GLB1: variants seen among roughly 807,000 people sequenced by gnomAD.
The protein encoded by GLB1 is beta-galactosidase.
A neutral mutation model predicts 74.0 loss-of-function variants in GLB1; 56 were observed. That is an observed-to-expected ratio of 0.76 (90% CI 0.61 to 0.94). The LOEUF is 0.94. Among genes scored for constraint, GLB1 ranks in the 40% least tolerant of loss-of-function variants. GLB1 has a pLI of 0.00. For missense variants in GLB1, 787 were observed against 845.5 expected (o/e 0.93, Z 0.86); for synonymous variants, 323 against 323.6 (o/e 1.00, Z 0.02).
Position 33,093,474 on chromosome 3 carries a change from G to A in GLB1, c.75+3537C>T, listed in dbSNP as rs139910662. The A allele has an allele frequency of 1.2e-5, 20 of 1,613,980 alleles. No homozygotes were observed. Among genetic ancestry groups the A allele is most frequent in the South Asian group, 4.4e-5 (4 of 91,076 alleles). On this transcript the variant is annotated intron_variant, in intron 1 of 15. Transcript: ENST00000307363. The surrounding 1 kb of genome is among the most constrained non-coding windows in gnomAD (Gnocchi z 6.0). ...GTCGGAGAGGTCACCCACAATCACC[G>A]TGATGTCTGGTTCCAGCACATTCAC...
At chr3:33,041,630 C>G (rs941227613) in intron 10 of GLB1, among the ~76,000 whole-genome samples, 1 of 139,314 alleles carries the variant, frequency 7.2e-6, no homozygotes, top group Non-Finnish European at 1.5e-5. Context: ...CCACTGCACT[C>G]ATTCTGGACA....
chr3:33,088,779 A>G (rs1370391042), intron 1 of GLB1, among the ~76,000 whole-genome samples: 2 of 152,220 alleles, frequency 1.3e-5, no homozygotes, highest in Admixed American at 1.3e-4. Context: ...AGAAATAGAA[A>G]AATTTATCCT....
intron 10 of GLB1, among the ~76,000 whole-genome samples, chr3:33,035,636 G>T (rs778668520): frequency 1.3e-5 from 2 of 152,094 alleles, no homozygotes; most frequent in Non-Finnish European, 2.9e-5. Flanking sequence ...GATACAATTA[G>T]AAGTCAGTGC....
At chr3:33,027,321 C>G (rs1170499060) in intron 10 of GLB1, among the ~76,000 whole-genome samples, 4 of 152,264 alleles carry the variant, frequency 2.6e-5, no homozygotes, top group African/African-American at 9.6e-5. Context: ...AGTGGCTCAA[C>G]CCCACGCTTG....
chr3:33,064,156 T>C (rs529956531), intron 5 of GLB1, among the ~76,000 whole-genome samples: 1 of 152,272 alleles, frequency 6.6e-6, no homozygotes, highest in South Asian at 2.1e-4. Context: ...TCCCTGGTCA[T>C]AGCTGGGCAC....
At chr3:33,072,115 T>C (rs1315050224) in intron 2 of GLB1, among the ~76,000 whole-genome samples, 1 of 152,246 alleles carries the variant, frequency 6.6e-6, no homozygotes, top group African/African-American at 2.4e-5. Context: ...TACAGCTGCC[T>C]GCATGCCTTC....
intron 15 of GLB1, among the ~76,000 whole-genome samples, chr3:33,011,882 T>C (rs1300278702): frequency 6.6e-6 from 1 of 152,210 alleles, no homozygotes; most frequent in Non-Finnish European, 1.5e-5. Flanking sequence ...TGGTCTTCTC[T>C]ATAGAATGCA....
At chr3:33,070,855 T>C (rs1699863823) in intron 2 of GLB1, among the ~76,000 whole-genome samples, 1 of 152,144 alleles carries the variant, frequency 6.6e-6, no homozygotes. Flanking sequence ...TAAAAAATTG[T>C]TTTAATAAAT....
At chr3:33,028,321 TAAAG>T (rs781412829) in intron 10 of GLB1, among the ~76,000 whole-genome samples, 13 of 152,228 alleles carry the variant, frequency 8.5e-5, no homozygotes, top group African/African-American at 2.9e-4. Context: ...GCCCAGAAGA[TAAAG>T]AAAGTTTATC....
chr3:33,014,125 G>T lies in GLB1; in HGVS notation c.1665C>A (p.Asn555Lys). Residue 555 changes from asparagine to lysine, a missense_variant, in exon 15 of 16, where the codon AAC becomes AAA. Transcript: ENST00000307363. The part of the protein sequence containing the change: ...NYTLPAFYMG[N>K]FSIPSGIPDL... ...CTGGGATCCCACTGGGAATGGAGAA[G>T]TTCCCCATATAAAAGGCCGGGAGCG... 6.2e-7 allele frequency: 1 copy of T among 1,614,216 alleles called. No homozygotes were observed. The highest frequency in any genetic ancestry group is 8.5e-7 in the Non-Finnish European group (1 of 1,180,046).
At position 32,997,347 on chromosome 3, in the gene GLB1, G is replaced by GGA. The variant is rs745361874; in HGVS notation, c.1735-5_1735-4dup. 3.5e-4 allele frequency: 567 copies of GGA among 1,612,470 alleles called. No individual in the cohort carries two copies. The highest frequency in any genetic ancestry group is 4.5e-4 in the Non-Finnish European group (531 of 1,179,880). ...AAGCCATTAATCCAGACCTGGCCCT[G>GGA]GAGAGAGAGAGACAGAGAACCATCA... On this transcript the variant is annotated splice_region_variant and splice_polypyrimidine_tract_variant and intron_variant, in intron 15 of 15. Coordinates refer to ENST00000307363, the MANE Select transcript of GLB1 (RefSeq NM_000404.4).
At chr3:33,001,150 TTC>T (rs1292152908) in intron 15 of GLB1, among the ~76,000 whole-genome samples, 3 of 151,722 alleles carry the variant, frequency 2.0e-5, no homozygotes, top group Non-Finnish European at 4.4e-5. Flanking sequence ...TGTTCTTCCT[TTC>T]TCTCTTCTCT....
At chr3:33,011,629 A>G (rs1175842381) in intron 15 of GLB1, among the ~76,000 whole-genome samples, 4 of 119,604 alleles carry the variant, frequency 3.3e-5, no homozygotes, top group African/African-American at 1.3e-4. Context: ...TAGGTGACAG[A>G]GTCCATCTCA....
chr3:33,003,177 C>T (rs1048235461), intron 15 of GLB1, among the ~76,000 whole-genome samples: 1 of 152,194 alleles, frequency 6.6e-6, no homozygotes, highest in Non-Finnish European at 1.5e-5. Flanking sequence ...CCAAATAGAA[C>T]TGAAGCCATC....
intron 1 of GLB1, among the ~76,000 whole-genome samples, chr3:33,074,615 G>C (rs945404521): frequency 6.6e-6 from 1 of 151,918 alleles, no homozygotes; most frequent in Non-Finnish European, 1.5e-5. Context: ...TGGGGGTGGG[G>C]GTTCGACTGT....
intron 1 of GLB1, among the ~76,000 whole-genome samples, chr3:33,081,527 C>T (rs1197603499): frequency 6.6e-6 from 1 of 152,150 alleles, no homozygotes; most frequent in Non-Finnish European, 1.5e-5. Flanking sequence ...GGCTCTATTC[C>T]CCAGGAGAGC....
chr3:32,997,235 G>A lies in GLB1; in HGVS notation c.1844C>T (p.Thr615Ile). 2 of 1,614,196 alleles carry A rather than the reference G, an allele frequency of 1.2e-6. No homozygotes were observed. The highest frequency in any genetic ancestry group is 1.7e-6 in the Non-Finnish European group (2 of 1,180,038). ...QHILMTSAPN[T>I]ITVLELEWAP... ...CCACTCCAGTTCCAGCACGGTGATGGTGTTTGGGGCCGAGGTCATCAGGAT... is the reference window on the plus strand; with the variant it reads ...CCACTCCAGTTCCAGCACGGTGATGATGTTTGGGGCCGAGGTCATCAGGAT... The change falls in exon 16 of 16, where the codon ACC becomes ATC. Residue 615 changes from threonine to isoleucine, a missense_variant. Transcript: ENST00000307363.
At chr3:33,091,620 A>T (rs1700766409) in intron 1 of GLB1, 1 of 984,202 alleles carries the variant, frequency 1.0e-6, no homozygotes, top group African/African-American at 1.7e-5. Context: ...CCTCCTGACA[A>T]AACAATCTTG....
At chr3:33,096,951 G>C in intron 1 of GLB1, 60 bp downstream of exon 1, 2 of 1,582,442 alleles carry the variant, frequency 1.3e-6, no homozygotes, top group Non-Finnish European at 1.7e-6. Context: ...ACCCCAGCCC[G>C]GTTCCCCGCC....
Sources: gnomAD v4.1 joint callset for allele counts (sites outside exome capture counted in the v4.1 genomes callset) on GRCh38, gnomAD v4.1.1 for gene constraint, Gnocchi (gnomAD v3.1) non-coding constraint, MANE v1.5 for transcripts, NCBI Gene and HGNC (gene_info 2026-07-23, HGNC 2026-07-21) for gene names.